The following EML5 variants were observed in gnomAD, a reference collection of about 807,000 sequenced individuals.
EML5 encodes EMAP like 5.
Under a neutral mutation model 250.0 loss-of-function variants are expected in EML5, and 120 were observed. That is an observed-to-expected ratio of 0.48 (90% confidence interval 0.41 to 0.56). The LOEUF (loss-of-function observed/expected upper bound fraction) is 0.56. Among genes scored for constraint, EML5 ranks in the 20% least tolerant of loss-of-function variants. The pLI, the probability that EML5 is intolerant of heterozygous loss-of-function variation, is 0.00. For missense variants in EML5, 2,006 were observed against 2,437.6 expected (o/e 0.82, Z 3.73); for synonymous variants, 771 against 806.5 (o/e 0.96, Z 0.75).
chr14:88,688,530 G>A (rs1307048602), intron 17 of EML5, 57 bp from the exon 18 acceptor site: 7 of 1,561,616 alleles, frequency 4.5e-6, no homozygotes, highest in Non-Finnish European at 6.1e-6. Context: ...CAATTATAAA[G>A]AAGCAAAGTT....
intron 9 of EML5, among the ~76,000 whole-genome samples, chr14:88,714,317 C>A (rs562418085): frequency 6.6e-6 from 1 of 152,274 alleles, no homozygotes; most frequent in South Asian, 2.1e-4. Flanking sequence ...GTTTTAGATC[C>A]TCCAGCCAAA....
chr14:88,739,652 A>C (rs1242279176), intron 5 of EML5, among the ~76,000 whole-genome samples: 1 of 152,198 alleles, frequency 6.6e-6, no homozygotes, highest in African/African-American at 2.4e-5. Flanking sequence ...GATCACCCAC[A>C]AGTTTTAAAT....
At chr14:88,636,044 C>A (rs142893944) in intron 32 of EML5, among the ~76,000 whole-genome samples, 44 of 152,236 alleles carry the variant, frequency 2.9e-4, no homozygotes, top group African/African-American at 9.6e-4. Flanking sequence ...TCTGTCATGG[C>A]AGCTCAAATT....
intron 36 of EML5, 56 bp from the exon 37 acceptor site, chr14:88,622,774 T>C: frequency 7.8e-7 from 1 of 1,284,090 alleles, no homozygotes; most frequent in Non-Finnish European, 1.1e-6. Context: ...ATAATTTTTA[T>C]TATAAACAAA....
intron 2 of EML5, among the ~76,000 whole-genome samples, chr14:88,749,000 G>GA (rs57461245): frequency 0.012 from 1,653 of 139,872 alleles, 12 homozygotes; most frequent in African/African-American, 0.019. Flanking sequence ...CAGAGGAAAA[G>GA]AAAAAAAAAA....
intron 1 of EML5, among the ~76,000 whole-genome samples, chr14:88,770,392 G>A (rs145067717): frequency 6.6e-6 from 1 of 152,044 alleles, no homozygotes; most frequent in East Asian, 1.9e-4. Context: ...TTTTATATAT[G>A]GTGAGGTATA....
chr14:88,712,629 T>C (rs1389178773), intron 9 of EML5, 146 bp from the exon 10 acceptor site: 1 of 597,876 alleles, frequency 1.7e-6, no homozygotes, highest in African/African-American at 1.8e-5. Context: ...GTAGATAAGT[T>C]TGGGTTAAGA....
intron 6 of EML5, among the ~76,000 whole-genome samples, chr14:88,737,209 G>A (rs895210223): frequency 1.3e-5 from 2 of 152,142 alleles, no homozygotes; most frequent in Non-Finnish European, 2.9e-5. Flanking sequence ...AGAGGGAGCC[G>A]CTGGGCACCA....
chr14:88,736,246 G>A (rs971224544), intron 7 of EML5, 118 bp downstream of exon 7: 44 of 1,106,774 alleles, frequency 4.0e-5, no homozygotes, highest in Middle Eastern at 2.1e-4. Flanking sequence ...TGATCTGCCC[G>A]CCTTGGCCTC....
At chr14:88,771,219 C>T (rs565655062) in intron 1 of EML5, among the ~76,000 whole-genome samples, 1 of 152,344 alleles carries the variant, frequency 6.6e-6, no homozygotes, top group African/African-American at 2.4e-5. Flanking sequence ...AACCTCCAAA[C>T]TCTCACATGA....
At chr14:88,665,827 G>A (rs907584015) in intron 21 of EML5, among the ~76,000 whole-genome samples, 4 of 152,066 alleles carry the variant, frequency 2.6e-5, no homozygotes, top group African/African-American at 9.7e-5. Flanking sequence ...AGGACTGTTT[G>A]AGCCCAGGAG....
intron 29 of EML5, among the ~76,000 whole-genome samples, chr14:88,646,093 G>A (rs1026842717): frequency 6.6e-6 from 1 of 152,022 alleles, no homozygotes; most frequent in East Asian, 1.9e-4. Flanking sequence ...TATTCAATTT[G>A]TAACACCTAA....
At position 88,712,429 on chromosome 14, in the gene EML5, C is replaced by T; in HGVS notation, c.1499G>A (p.Trp500Ter). The T allele has an allele frequency of 6.2e-7, 1 of 1,613,588 alleles. No homozygotes were observed. Among genetic ancestry groups the T allele is most frequent in the Non-Finnish European group, 8.5e-7 (1 of 1,179,712 alleles). ...EEIKGVHWAS[W>*]TCVSGLEVNG... ...TACTTCAAGGCCTGAAACACATGTC[C>T]ATGAAGCCCAATGAACACCTTTTAT... The change falls in exon 10 of 44, where the codon TGG becomes TAG. Residue 500 changes from tryptophan to a stop codon, truncating the protein, a stop_gained. Coordinates refer to ENST00000554922, the MANE Select transcript of EML5 (RefSeq NM_183387.3). LOFTEE classifies it high-confidence loss of function.
intron 41 of EML5, 55 bp downstream of exon 41, chr14:88,618,172 AT>A: frequency 6.8e-7 from 1 of 1,469,344 alleles, no homozygotes; most frequent in Non-Finnish European, 9.5e-7. Flanking sequence ...CAGAAATAGG[AT>A]TTTCTAACTG....
intron 30 of EML5, among the ~76,000 whole-genome samples, chr14:88,644,043 G>A (rs2091218204): frequency 6.6e-6 from 1 of 152,190 alleles, no homozygotes; most frequent in African/African-American, 2.4e-5. Flanking sequence ...ACCCTGTACA[G>A]TGAATATATC....
chr14:88,712,565 A>C, intron 9 of EML5, 82 bp from the exon 10 acceptor site: 2 of 1,134,486 alleles, frequency 1.8e-6, no homozygotes, highest in Non-Finnish European at 2.5e-6. Flanking sequence ...AACATAGTAA[A>C]TTCCAAAATT....
rs772171016 is a variant in EML5, at chr14:88,620,851, T to C, written c.5278A>G (p.Ile1760Val). 2.5e-6 allele frequency: 4 copies of C among 1,590,052 alleles called. No homozygotes were observed. The highest frequency in any genetic ancestry group is 2.6e-6 in the Non-Finnish European group (3 of 1,168,040). Residue 1760 changes from isoleucine (I) to valine (V), a missense_variant, in exon 39 of 44, where the codon ATT (isoleucine) becomes GTT (valine). By Grantham distance (29) the Ile-to-Val change is conservative. Transcript: ENST00000554922. The surrounding 1 kb of genome is among the most constrained non-coding windows in gnomAD (Gnocchi z 4.3). ...ATAAATTCTCCATTTTTCATTCCAA[T>C]AGCCACCATGTCCCCTTCAGGGCTG... ...CYSPEGDMVA[I>V]GMKNGEFIIL...
chr14:88,616,346 G>C, intron 42 of EML5, 104 bp from the exon 43 acceptor site: 1 of 1,145,412 alleles, frequency 8.7e-7, no homozygotes, highest in South Asian at 1.3e-5. Flanking sequence ...GGAGAGAGTA[G>C]GGAGTTAGCA....
intron 12 of EML5, among the ~76,000 whole-genome samples, 168 bp from the exon 13 acceptor site, chr14:88,705,146 T>G (rs747098774): frequency 3.3e-5 from 5 of 152,126 alleles, no homozygotes; most frequent in Non-Finnish European, 5.9e-5. Context: ...AACAAACAAA[T>G]TCACATTTTC....
Sources: gnomAD v4.1 joint callset for allele counts (sites outside exome capture counted in the v4.1 genomes callset) on GRCh38, gnomAD v4.1.1 for gene constraint, Gnocchi (gnomAD v3.1) non-coding constraint, MANE v1.5 for transcripts, NCBI Gene and HGNC (gene_info 2026-07-23, HGNC 2026-07-21) for gene names.